OMA1: variants seen among roughly 807,000 people sequenced by gnomAD.
The protein encoded by OMA1 is OMA1 zinc metallopeptidase.
Under a neutral mutation model 30.9 loss-of-function variants are expected in OMA1, and 38 were observed. That is an observed-to-expected ratio of 1.23 (90% confidence interval 0.95 to 1.61). OMA1 has a LOEUF of 1.61. Among genes scored for constraint, OMA1 ranks in the 40% most tolerant of loss-of-function variants. The pLI is 0.00. For synonymous variants in OMA1, 173 were observed against 121.9 expected, an observed-to-expected ratio of 1.42 and a Z score of -2.76; for missense variants, 461 against 349.2, an observed-to-expected ratio of 1.32 and a Z score of -2.55.
intron 8 of OMA1, among the ~76,000 whole-genome samples, chr1:58,492,911 T>C (rs1307689865): frequency 6.6e-6 from 1 of 152,154 alleles, no homozygotes; most frequent in Non-Finnish European, 1.5e-5. Context: ...CCCTAACTCA[T>C]TTTATGAGGC....
intron 7 of OMA1, among the ~76,000 whole-genome samples, chr1:58,508,560 T>A (rs1646025024): frequency 6.6e-6 from 1 of 152,146 alleles, no homozygotes; most frequent in Non-Finnish European, 1.5e-5. Context: ...CAGCACCATA[T>A]GATCATAAGA....
At position 58,536,615 on chromosome 1, in the gene OMA1, A is replaced by C; in HGVS notation, c.627T>G (p.Phe209Leu). 1 of 872,864 alleles carries C rather than the reference A, an allele frequency of 1.1e-6. No individual in the cohort carries two copies. The highest frequency in any genetic ancestry group is 2.0e-6 in the Non-Finnish European group (1 of 501,638). The allele number at this position is 872,864 out of a possible 1,614,324, so 54.1% of individuals were successfully genotyped here. Residue 209 changes from phenylalanine to leucine, a missense_variant, in exon 3 of 9, where the codon TTT becomes TTG. Coordinates refer to ENST00000371226, the MANE Select transcript of OMA1 (RefSeq NM_145243.5). ...GACTTACTTCCAGGTGAGTAAAATA[A>C]AACACCACAAAGAGCAATCCAAAAC... Reference protein sequence around the residue: ...LSSFGLLFVVFYFTHLEVSPI... With the variant: ...LSSFGLLFVVLYFTHLEVSPI...
chr1:58,503,696 G>A (rs1422334805), intron 8 of OMA1, among the ~76,000 whole-genome samples: 6 of 152,008 alleles, frequency 3.9e-5, no homozygotes, highest in Non-Finnish European at 7.4e-5. Flanking sequence ...GAAGATGGCT[G>A]TTTATGAGCT....
chr1:58,533,151 G>A lies in OMA1; in HGVS notation c.1011+802C>T, dbSNP rs1646462717. ...TTTAAAAAATGTGTGAAACAGATGT[G>A]TTATTTTTCCTGGACTTATATCAAG... On this transcript the variant is annotated intron_variant, in intron 5 of 8. Transcript: ENST00000371226. Among the ~76,000 whole-genome samples, 3 of 152,274 alleles carry A rather than the reference G, an allele frequency of 2.0e-5. No individual in the cohort carries two copies. The South Asian group carries it at 6.2e-4, about 32-fold the overall frequency.
intron 8 of OMA1, among the ~76,000 whole-genome samples, chr1:58,484,255 A>G (rs1467446459): frequency 1.3e-5 from 2 of 152,208 alleles, no homozygotes; most frequent in Non-Finnish European, 2.9e-5. Flanking sequence ...GCTTTTATAA[A>G]TTACCCTGCT....
At chr1:58,510,081 C>T (rs1366769824) in intron 7 of OMA1, among the ~76,000 whole-genome samples, 1 of 152,088 alleles carries the variant, frequency 6.6e-6, no homozygotes, top group Non-Finnish European at 1.5e-5. Flanking sequence ...ATGTCAATGA[C>T]TCTCAAAGTC....
intron 8 of OMA1, among the ~76,000 whole-genome samples, chr1:58,487,523 T>C (rs1048968170): frequency 1.3e-5 from 2 of 152,226 alleles, no homozygotes; most frequent in East Asian, 1.9e-4. Context: ...ATTTTGAAGG[T>C]AGAACTAATT....
At chr1:58,495,596 A>G (rs1645786211) in intron 8 of OMA1, among the ~76,000 whole-genome samples, 1 of 152,072 alleles carries the variant, frequency 6.6e-6, no homozygotes, top group African/African-American at 2.4e-5. Flanking sequence ...TGTATATTTT[A>G]TCTAATTCCT....
At chr1:58,517,750 A>C (rs1646179833) in intron 7 of OMA1, among the ~76,000 whole-genome samples, 1 of 152,176 alleles carries the variant, frequency 6.6e-6, no homozygotes, top group Non-Finnish European at 1.5e-5. Flanking sequence ...GAGAAGAGCT[A>C]GCACCTAGGT....
chr1:58,505,849 T>G (rs372420661), intron 8 of OMA1, among the ~76,000 whole-genome samples: 60 of 152,300 alleles, frequency 3.9e-4, no homozygotes, highest in African/African-American at 1.4e-3. Context: ...TTAAGAAAAG[T>G]CAACTGTACA....
chr1:58,492,487 T>C (rs968221429), intron 8 of OMA1, among the ~76,000 whole-genome samples: 5 of 152,106 alleles, frequency 3.3e-5, no homozygotes, highest in Non-Finnish European at 7.4e-5. Context: ...GTTGGTTTTT[T>C]GAAAAGATCA....
chr1:58,515,137 C>A (rs1255583430), intron 7 of OMA1, among the ~76,000 whole-genome samples: 4 of 152,132 alleles, frequency 2.6e-5, no homozygotes, highest in African/African-American at 9.7e-5. Flanking sequence ...CTTCTTAAAG[C>A]TCATTTTATT....
chr1:58,493,756 G>C (rs1292780907), intron 8 of OMA1, among the ~76,000 whole-genome samples: 6 of 150,990 alleles, frequency 4.0e-5, no homozygotes, highest in East Asian at 1.9e-4. Flanking sequence ...CACTGCTCAA[G>C]GAAATAAAAG....
intron 3 of OMA1, among the ~76,000 whole-genome samples, chr1:58,535,604 A>G (rs1404332440): frequency 6.6e-6 from 1 of 151,914 alleles, no homozygotes; most frequent in East Asian, 1.9e-4. Flanking sequence ...TCAAAAAAAA[A>G]AAAAAAAAAA....
intron 5 of OMA1, among the ~76,000 whole-genome samples, chr1:58,531,778 C>T (rs1329265032): frequency 1.3e-5 from 2 of 151,898 alleles, no homozygotes; most frequent in Non-Finnish European, 2.9e-5. Context: ...GGCGAGGTCT[C>T]GACTCACTGC....
At position 58,485,228 on chromosome 1, in the gene OMA1, T is replaced by TAAAAA. The variant is rs71043289; in HGVS notation, c.1366-4059_1366-4055dup. 2.9e-3 allele frequency among the ~76,000 whole-genome samples: 124 copies of TAAAAA among 42,050 alleles called. 3 individuals are homozygous for TAAAAA. Among genetic ancestry groups the TAAAAA allele is most frequent in the African/African-American group, 0.011 (115 of 10,282 alleles). The allele number at this position is 42,050 out of a possible 152,430, so 27.6% of individuals were successfully genotyped here. ...GTCTAAAAATAAAAGAGTCTACTAC[T>TAAAAA]AAAAAAAAAAAAAAAAAAAAAAAAA... On this transcript the variant is annotated intron_variant, in intron 8 of 8. Coordinates refer to ENST00000371226, the MANE Select transcript of OMA1 (RefSeq NM_145243.5).
intron 7 of OMA1, among the ~76,000 whole-genome samples, chr1:58,512,357 T>A (rs886277307): frequency 2.0e-5 from 3 of 152,166 alleles, no homozygotes; most frequent in African/African-American, 7.2e-5. Flanking sequence ...ACTCAAAAAA[T>A]TTTTAAAAAG....
At chr1:58,486,198 A>G (rs1645573249) in intron 8 of OMA1, among the ~76,000 whole-genome samples, 1 of 152,226 alleles carries the variant, frequency 6.6e-6, no homozygotes, top group Non-Finnish European at 1.5e-5. Context: ...AAGGCAAAGA[A>G]GACAGCAGGA....
At chr1:58,527,715 A>T (rs1646374087) in intron 6 of OMA1, among the ~76,000 whole-genome samples, 1 of 152,236 alleles carries the variant, frequency 6.6e-6, no homozygotes, top group South Asian at 2.1e-4. Flanking sequence ...AAGAAAATCA[A>T]GAAAACGTAG....
Sources: gnomAD v4.1 joint callset for allele counts (sites outside exome capture counted in the v4.1 genomes callset) on GRCh38, gnomAD v4.1.1 for gene constraint, MANE v1.5 for transcripts, NCBI Gene and HGNC (gene_info 2026-07-23, HGNC 2026-07-21) for gene names.